FLNB: variants seen among roughly 807,000 people sequenced by gnomAD.
FLNB encodes the protein filamin-B.
Under a neutral mutation model 250.6 loss-of-function variants are expected in FLNB, and 111 were observed. The observed-to-expected ratio is 0.44, with a 90% confidence interval of 0.38 to 0.52. The LOEUF (loss-of-function observed/expected upper bound fraction) is 0.52, where lower values mean the gene tolerates loss of function less well. Ranked by LOEUF, FLNB falls within the 20% of genes least tolerant of loss-of-function variation. FLNB has a pLI of 0.00. For missense variants in FLNB, 2,869 were observed against 3,447.8 expected, an observed-to-expected ratio of 0.83 and a Z score of 4.20; for synonymous variants, 1,302 against 1,372.1, an observed-to-expected ratio of 0.95 and a Z score of 1.13.
rs1387823166 is a variant in FLNB, at chr3:58,154,540, G to A, written c.6635-251G>A. On this transcript the variant is annotated intron_variant, in intron 39 of 45. Coordinates refer to ENST00000295956, the MANE Select transcript of FLNB (RefSeq NM_001457.4). ...AGCCTGGGCAGCAGAGCAAGACTCC[G>A]TCTCAAAAAAAAAAAAAAAAAGACA... 169 of 419,570 alleles carry A rather than the reference G, an allele frequency of 4.0e-4. 1 individual carries two copies. Among genetic ancestry groups the A allele is most frequent in the Middle Eastern group, 3.5e-3 (5 of 1,436 alleles). 26.0% of individuals were successfully genotyped at this position (419,570 alleles called of 1,614,324 possible). A position where few individuals can be genotyped will look rare whatever the true frequency, so the allele number is the denominator to read the frequency against.
intron 11 of FLNB, among the ~76,000 whole-genome samples, chr3:58,106,374 A>ATATATATATATC (rs1339422161): frequency 2.2e-5 from 3 of 136,880 alleles, no homozygotes; most frequent in African/African-American, 8.4e-5. Context: ...ATATATATAT[A>ATATATATATATC]TATCCTCCTG....
At chr3:58,021,874 A>C (rs1035657860) in intron 1 of FLNB, among the ~76,000 whole-genome samples, 3 of 152,070 alleles carry the variant, frequency 2.0e-5, no homozygotes, top group African/African-American at 7.2e-5. Context: ...TCCTTGGCTC[A>C]AGCGATCCTC....
rs116320732 is a variant in FLNB, at chr3:58,036,448, G to A, written c.292+27592G>A. Among the ~76,000 whole-genome samples, 764 of 152,280 alleles carry A rather than the reference G, an allele frequency of 5.0e-3. 6 individuals carry two copies. Among genetic ancestry groups the A allele is most frequent in the African/African-American group, 0.018 (735 of 41,546 alleles). On this transcript the variant is annotated intron_variant, in intron 1 of 45. Coordinates refer to ENST00000295956, the MANE Select transcript of FLNB (RefSeq NM_001457.4). ...CAAGTTGGAGATGGAGTCACAGGGG[G>A]TCGAAGTGACGTTTTCTTGCTGTCT... is the stretch of plus-strand genomic sequence containing the variant.
At chr3:58,072,665 A>G (rs2097196333) in intron 1 of FLNB, among the ~76,000 whole-genome samples, 1 of 152,178 alleles carries the variant, frequency 6.6e-6, no homozygotes, top group Non-Finnish European at 1.5e-5. Flanking sequence ...ACCTGTCAAA[A>G]TCAGTTTTGG....
At chr3:58,020,502 A>G (rs1474213319) in intron 1 of FLNB, among the ~76,000 whole-genome samples, 7 of 152,186 alleles carry the variant, frequency 4.6e-5, no homozygotes, top group Non-Finnish European at 1.5e-5. Context: ...TTCAGGGCTC[A>G]GCCTCCCCAG....
At chr3:58,046,052 T>A (rs147896240) in intron 1 of FLNB, among the ~76,000 whole-genome samples, 1 of 150,374 alleles carries the variant, frequency 6.7e-6, no homozygotes, top group Non-Finnish European at 1.5e-5. Context: ...ATAGAATACC[T>A]TGGAGAACCT....
rs1559727784 is a variant in FLNB at position 58,145,981 on chromosome 3, C to T, written c.5486C>T (p.Pro1829Leu). 1 of 1,614,178 alleles carries T rather than the reference C, an allele frequency of 6.2e-7. No homozygotes were observed. The highest frequency in any genetic ancestry group is 8.5e-7 in the Non-Finnish European group (1 of 1,179,994). ...AGTGGAAGTGTTTCTGCATACGGTC[C>T]AGGCCTCGTGTATGGAGTGGCCAAC... ...PNSGSVSAYG[P>L]GLVYGVANKT... Residue 1829 changes from proline to leucine, a missense_variant, in exon 33 of 46, where the codon CCA becomes CTA. Pro to Leu is a moderately conservative substitution (Grantham distance 98). This residue lies in a region of FLNB where 1,084 missense variants were observed against 1,315.5 expected (regional missense o/e 0.82). Transcript: ENST00000295956.
rs1174805764 is a variant in FLNB at position 58,024,701 on chromosome 3, C to CTTTTTTTTTTTTTTTT, written c.292+15857_292+15872dup. ...ATTTCTGGTCTTCTGGCCAAGCCTC[C>CTTTTTTTTTTTTTTTT]TTTTTTTTTTTTTTTTTTTTTTTTT... On this transcript the variant is annotated intron_variant, in intron 1 of 45. Transcript: ENST00000295956. Among the ~76,000 whole-genome samples, 22 of 83,762 alleles carry CTTTTTTTTTTTTTTTT rather than the reference C, an allele frequency of 2.6e-4. 4 individuals carry two copies. Among genetic ancestry groups the CTTTTTTTTTTTTTTTT allele is most frequent in the East Asian group, 1.7e-3 (4 of 2,334 alleles). 55.0% of individuals were successfully genotyped at this position (83,762 alleles called of 152,430 possible). A position where few individuals can be genotyped will look rare whatever the true frequency, so the allele number is the denominator to read the frequency against.
chr3:58,030,099 T>C (rs145412957), intron 1 of FLNB, among the ~76,000 whole-genome samples: 234 of 152,302 alleles, frequency 1.5e-3, no homozygotes, highest in African/African-American at 5.4e-3. Context: ...AAAGGAGATA[T>C]CAGGTTTCAG....
intron 1 of FLNB, among the ~76,000 whole-genome samples, chr3:58,075,857 G>T (rs574922528): frequency 1.3e-4 from 20 of 152,260 alleles, no homozygotes; most frequent in African/African-American, 4.6e-4. Flanking sequence ...GAGTATCTTT[G>T]TTGGAGAGTG....
At chr3:58,118,821 A>G (rs534512668) in intron 18 of FLNB, 51 bp from the exon 19 acceptor site, 1 of 1,375,334 alleles carries the variant, frequency 7.3e-7, no homozygotes, top group Non-Finnish European at 1.0e-6. Flanking sequence ...TTAAATGCCA[A>G]GTTAGCTTTT....
At chr3:58,079,094 C>T (rs2097205516) in intron 3 of FLNB, among the ~76,000 whole-genome samples, 1 of 152,110 alleles carries the variant, frequency 6.6e-6, no homozygotes, top group Non-Finnish European at 1.5e-5. Context: ...AGTATTTCTT[C>T]TCTAAATATT....
At chr3:58,112,381 G>A (rs1328002784) in intron 18 of FLNB, 63 bp downstream of exon 18, 10 of 1,530,918 alleles carry the variant, frequency 6.5e-6, no homozygotes, top group Admixed American at 5.0e-5. Context: ...TGCAGTCGGT[G>A]CTGGGTCACT....
intron 1 of FLNB, among the ~76,000 whole-genome samples, chr3:58,048,560 G>A (rs774221041): frequency 6.6e-5 from 10 of 152,190 alleles, no homozygotes; most frequent in African/African-American, 2.4e-4. Flanking sequence ...AGTTTGTCCT[G>A]TTACTTCGTG....
intron 42 of FLNB, 166 bp from the exon 43 acceptor site, chr3:58,162,987 CA>C (rs2097364197): frequency 2.9e-6 from 2 of 699,812 alleles, no homozygotes; most frequent in Non-Finnish European, 5.1e-6. Flanking sequence ...GAGGGATACC[CA>C]GGGGGTCTGT....
intron 29 of FLNB, 54 bp downstream of exon 29, chr3:58,138,583 CT>C: frequency 6.2e-7 from 1 of 1,610,170 alleles, no homozygotes; most frequent in Non-Finnish European, 8.5e-7. Flanking sequence ...ACTGTAACAG[CT>C]GCCGTTTGTT....
intron 6 of FLNB, among the ~76,000 whole-genome samples, chr3:58,097,197 T>C (rs1576711261): frequency 6.6e-6 from 1 of 152,224 alleles, no homozygotes; most frequent in African/African-American, 2.4e-5. Context: ...TCACCTGGAA[T>C]GATGGCCTTA....
chr3:58,113,825 C>T (rs1221159731), intron 18 of FLNB, among the ~76,000 whole-genome samples: 1 of 152,130 alleles, frequency 6.6e-6, no homozygotes, highest in African/African-American at 2.4e-5. Flanking sequence ...ATTACAGGCA[C>T]ATGCCACCAC....
At chr3:58,019,714 C>T (rs1419722450) in intron 1 of FLNB, among the ~76,000 whole-genome samples, 2 of 152,064 alleles carry the variant, frequency 1.3e-5, no homozygotes, top group African/African-American at 2.4e-5. Context: ...CCAAACTTTA[C>T]TCATTTGCGC....
Sources: gnomAD v4.1 joint callset for allele counts (sites outside exome capture counted in the v4.1 genomes callset) on GRCh38, gnomAD v4.1.1 for gene constraint, gnomAD v4.1.1 regional missense constraint, MANE v1.5 for transcripts, NCBI Gene and HGNC (gene_info 2026-07-23, HGNC 2026-07-21) for gene names.